Variants in ABCA12 observed in about 807,000 individuals in gnomAD.
ABCA12 encodes the protein glucosylceramide transporter ABCA12.
In ABCA12, 156 loss-of-function variants were observed where a neutral mutation model predicts 293.5. The observed-to-expected ratio is 0.53, with a 90% CI of 0.47 to 0.61. The LOEUF (loss-of-function observed/expected upper bound fraction) is 0.61. Among genes scored for constraint, ABCA12 ranks in the 20% least tolerant of loss-of-function variants. The pLI, the probability that ABCA12 is intolerant of heterozygous loss-of-function variation, is 0.00. For synonymous variants in ABCA12, 1,063 were observed against 1,108.0 expected (o/e 0.96, Z 0.81); for missense variants, 2,797 against 3,090.2 (o/e 0.91, Z 2.25).
chr2:215,124,484 A>C (rs1481590508), intron 1 of ABCA12, among the ~76,000 whole-genome samples: 1 of 152,112 alleles, frequency 6.6e-6, no homozygotes, highest in African/African-American at 2.4e-5. Context: ...CTCTTTTTTG[A>C]TTATGACCAT....
rs202243117 is a variant in ABCA12 at position 214,982,348 on chromosome 2, T to A, written c.4418A>T (p.His1473Leu). Residue 1473 changes from histidine to leucine, a missense_variant, in exon 30 of 53, where the codon CAT becomes CTT. By Grantham distance (99) the His-to-Leu change is moderately conservative. This residue lies in a region of ABCA12 where 2,130 missense variants were observed against 2,427.0 expected (regional missense o/e 0.88). Transcript: ENST00000272895. ...LKDTGLYSHR[H>L]KRVGTLSGGM... Reference sequence around the variant, plus strand: ...TCCTGACAGTGTTCCAACTCTCTTATGACGATGGCTATATAGTCCAGTATC... The same window carrying A: ...TCCTGACAGTGTTCCAACTCTCTTAAGACGATGGCTATATAGTCCAGTATC... 4 of 1,614,078 alleles carry A rather than the reference T, an allele frequency of 2.5e-6. No homozygotes were observed. The African/African-American group carries it at 4.0e-5, about 16-fold the overall frequency.
chr2:214,992,814 T>G (rs539219315), intron 23 of ABCA12, among the ~76,000 whole-genome samples: 17 of 152,064 alleles, frequency 1.1e-4, no homozygotes, highest in Non-Finnish European at 2.1e-4. Flanking sequence ...TGAGCCGAGA[T>G]CATGCCACTG....
chr2:214,947,568 A>G lies in ABCA12; in HGVS notation c.7105-12T>C. 1 of 1,613,748 alleles carries G rather than the reference A, an allele frequency of 6.2e-7. No individual in the cohort carries two copies. Among genetic ancestry groups the G allele is most frequent in the Non-Finnish European group, 8.5e-7 (1 of 1,179,784 alleles). ...AGTTTATGAACAGTCTGTAGGCAATAAAAGGGGAGTTAGGTTGACCTTCCT... is the reference window on the plus strand; with the variant it reads ...AGTTTATGAACAGTCTGTAGGCAATGAAAGGGGAGTTAGGTTGACCTTCCT... On this transcript the variant is annotated splice_polypyrimidine_tract_variant and intron_variant, in intron 47 of 52. Transcript: ENST00000272895.
chr2:214,947,690 C>T, intron 47 of ABCA12, 134 bp from the exon 48 acceptor site: 1 of 972,694 alleles, frequency 1.0e-6, no homozygotes, highest in Non-Finnish European at 1.5e-6. Flanking sequence ...AATGAAAACA[C>T]TTAAATTCAA....
intron 50 of ABCA12, among the ~76,000 whole-genome samples, chr2:214,940,375 A>G (rs185553018): frequency 4.1e-4 from 62 of 152,316 alleles, no homozygotes; most frequent in African/African-American, 1.5e-3. Flanking sequence ...CCAGTATTTT[A>G]CTGAGGATTT....
intron 2 of ABCA12, among the ~76,000 whole-genome samples, chr2:215,090,825 C>A (rs1163348545): frequency 3.9e-5 from 6 of 152,220 alleles, no homozygotes; most frequent in Admixed American, 3.9e-4. Flanking sequence ...CAATCTTCCG[C>A]CCACCATTCA....
intron 4 of ABCA12, among the ~76,000 whole-genome samples, chr2:215,052,878 C>A (rs1021593483): frequency 6.6e-6 from 1 of 152,048 alleles, no homozygotes; most frequent in Non-Finnish European, 1.5e-5. Flanking sequence ...AACATTATTG[C>A]CCAATAAACC....
chr2:215,091,051 G>A (rs985934600), intron 2 of ABCA12, among the ~76,000 whole-genome samples: 2 of 152,008 alleles, frequency 1.3e-5, no homozygotes, highest in African/African-American at 2.4e-5. Context: ...AATGGTCTGA[G>A]GTGCCTGACG....
intron 8 of ABCA12, among the ~76,000 whole-genome samples, chr2:215,036,510 A>G (rs776581191): frequency 6.6e-6 from 1 of 152,188 alleles, no homozygotes; most frequent in African/African-American, 2.4e-5. Context: ...AGACAGTACC[A>G]TTCTAGATAT....
At chr2:214,974,704 C>T in intron 35 of ABCA12, 74 bp downstream of exon 35, 1 of 1,370,670 alleles carries the variant, frequency 7.3e-7, no homozygotes, top group South Asian at 1.2e-5. Flanking sequence ...AACAGACACA[C>T]ACACCCACAT....
intron 5 of ABCA12, chr2:215,050,675 G>T (rs1701302260): frequency 3.7e-6 from 2 of 543,486 alleles, no homozygotes; most frequent in Non-Finnish European, 4.7e-6. Context: ...ACCTTCTAGT[G>T]ACTCAAATTC....
At chr2:214,973,917 T>C (rs1699447944) in intron 36 of ABCA12, 32 bp downstream of exon 36, 12 of 1,554,026 alleles carry the variant, frequency 7.7e-6, no homozygotes, top group Non-Finnish European at 1.1e-5. Context: ...CCCGTATTTT[T>C]CCCATTTCAC....
chr2:215,096,093 C>G (rs1702245019), intron 2 of ABCA12, among the ~76,000 whole-genome samples: 1 of 152,210 alleles, frequency 6.6e-6, no homozygotes, highest in Non-Finnish European at 1.5e-5. Context: ...CGTTTACCAG[C>G]TGTTTAATCT....
intron 44 of ABCA12, among the ~76,000 whole-genome samples, chr2:214,952,441 G>A (rs534752676): frequency 3.3e-4 from 50 of 152,114 alleles, no homozygotes; most frequent in African/African-American, 1.2e-3. Context: ...GGCTGGTCTC[G>A]AACTCCTGAC....
chr2:215,105,636 G>A (rs970330656), intron 2 of ABCA12, among the ~76,000 whole-genome samples: 1 of 150,202 alleles, frequency 6.7e-6, no homozygotes, highest in African/African-American at 2.5e-5. Context: ...CTTTCACACA[G>A]TCACAAAGCT....
chr2:214,950,998 CAACTCTT>C lies in ABCA12; in HGVS notation c.6726_6732del (p.Glu2245ValfsTer25), dbSNP rs1559109911. ...AAGTCAAATTCAGCTGCACCACTCTCAACTCTTAATCTCTCAGCCCGCACATCTTCAT... is the reference window on the plus strand; with the variant it reads ...AAGTCAAATTCAGCTGCACCACTCTCAATCTCTCAGCCCGCACATCTTCAT... On this transcript the variant is annotated frameshift_variant, in exon 45 of 53. Coordinates refer to ENST00000272895, the MANE Select transcript of ABCA12 (RefSeq NM_173076.3). LOFTEE classifies it high-confidence loss of function. 2 of 1,614,130 alleles carry C rather than the reference CAACTCTT, an allele frequency of 1.2e-6. No individual in the cohort carries two copies. The highest frequency in any genetic ancestry group is 1.7e-6 in the Non-Finnish European group (2 of 1,180,000).
chr2:214,937,831 A>T (rs1225041728), intron 50 of ABCA12, among the ~76,000 whole-genome samples: 1 of 152,182 alleles, frequency 6.6e-6, no homozygotes, highest in East Asian at 1.9e-4. Context: ...ATATAAAATC[A>T]GAGTCTTTGG....
At chr2:215,134,358 GTA>G (rs769320719) in intron 1 of ABCA12, among the ~76,000 whole-genome samples, 10 of 138,180 alleles carry the variant, frequency 7.2e-5, no homozygotes, top group Non-Finnish European at 1.2e-4. Context: ...GTGTATATAT[GTA>G]TATGTGTATA....
intron 6 of ABCA12, 135 bp from the exon 7 acceptor site, chr2:215,046,150 C>A (rs1476536114): frequency 9.7e-6 from 8 of 827,848 alleles, no homozygotes; most frequent in Non-Finnish European, 1.5e-5. Context: ...CAGTTTGAAG[C>A]CAATCTTTTA....
Sources: allele counts gnomAD v4.1 joint callset (sites outside exome capture counted in the v4.1 genomes callset), GRCh38; gene constraint gnomAD v4.1.1; regional missense constraint gnomAD v4.1.1; transcripts MANE v1.5; gene names NCBI Gene and HGNC (gene_info 2026-07-23, HGNC 2026-07-21).